Variants in TAF4 observed in about 807,000 individuals in gnomAD.
The protein encoded by TAF4 is TATA-box binding protein associated factor 4, also known as transcription initiation factor TFIID subunit 4.
TAF4 carries 9 observed loss-of-function variants against 90.3 expected under a neutral mutation model. The ratio of observed to expected loss-of-function variants is 0.10; its 90% CI spans 0.06 to 0.17. TAF4 has a LOEUF of 0.17. Ranked by LOEUF, TAF4 falls within the 10% of genes least tolerant of loss-of-function variation. The pLI is 1.00. For synonymous variants in TAF4, 818 were observed against 638.9 expected (o/e 1.28, Z -4.23); for missense variants, 1,351 against 1,370.7 (o/e 0.99, Z 0.23).
intron 1 of TAF4, among the ~76,000 whole-genome samples, chr20:62,028,787 A>G (rs948878569): frequency 2.6e-5 from 4 of 152,210 alleles, no homozygotes; most frequent in Non-Finnish European, 5.9e-5. Flanking sequence ...CACATTCAGG[A>G]GTGCCATAAA....
chr20:62,059,438 C>T (rs2056077769), intron 1 of TAF4, among the ~76,000 whole-genome samples: 1 of 152,214 alleles, frequency 6.6e-6, no homozygotes, highest in African/African-American at 2.4e-5. Flanking sequence ...CATAACTTGA[C>T]AGCACTTATT....
At chr20:62,017,713 C>T (rs1332155521) in intron 1 of TAF4, among the ~76,000 whole-genome samples, 2 of 151,760 alleles carry the variant, frequency 1.3e-5, no homozygotes, top group African/African-American at 4.8e-5. Context: ...TGGTGCATGC[C>T]TGTAATCCAG....
intron 1 of TAF4, among the ~76,000 whole-genome samples, chr20:62,015,044 C>A (rs1304238470): frequency 6.6e-6 from 1 of 152,240 alleles, no homozygotes; most frequent in African/African-American, 2.4e-5. Context: ...CACAGACATG[C>A]CAGTCTCCTT....
At chr20:62,008,882 A>T in intron 5 of TAF4, 170 bp downstream of exon 5, 1 of 828,120 alleles carries the variant, frequency 1.2e-6, no homozygotes, top group Non-Finnish European at 1.8e-6. Context: ...CTCCTTAGCT[A>T]GGCCACACAC....
At chr20:62,057,565 G>T (rs2145521356) in intron 1 of TAF4, among the ~76,000 whole-genome samples, 1 of 152,336 alleles carries the variant, frequency 6.6e-6, no homozygotes, top group East Asian at 1.9e-4. Context: ...CCTCACATCG[G>T]CGCTTTCCAG....
chr20:61,977,647 G>A (rs534726037), intron 14 of TAF4, among the ~76,000 whole-genome samples: 2 of 152,282 alleles, frequency 1.3e-5, no homozygotes, highest in South Asian at 2.1e-4. Context: ...ACCTGTCTCC[G>A]TTCAGACGCC....
intron 9 of TAF4, 60 bp from the exon 10 acceptor site, chr20:62,000,781 G>A: frequency 6.3e-7 from 1 of 1,588,474 alleles, no homozygotes; most frequent in Non-Finnish European, 8.6e-7. Flanking sequence ...GAGGTGGGCT[G>A]GGGTGGTAAG....
chr20:62,038,573 A>G (rs577750345), intron 1 of TAF4, among the ~76,000 whole-genome samples: 96 of 152,362 alleles, frequency 6.3e-4, no homozygotes, highest in South Asian at 1.4e-3. Context: ...TGAATACTTA[A>G]GAATAAATTT....
At chr20:62,044,471 T>C (rs151011313) in intron 1 of TAF4, among the ~76,000 whole-genome samples, 386 of 152,324 alleles carry the variant, frequency 2.5e-3, no homozygotes, top group African/African-American at 7.6e-3. Flanking sequence ...CTAAATTGTG[T>C]ATCAAATTGG....
Position 62,032,366 on chromosome 20 carries a change from G to A in TAF4, c.1361-17659C>T, listed in dbSNP as rs113231109. Among the ~76,000 whole-genome samples, 1,095 of 152,354 alleles carry A rather than the reference G, an allele frequency of 7.2e-3. 15 individuals carry two copies. Among genetic ancestry groups the A allele is most frequent in the African/African-American group, 0.025 (1,044 of 41,580 alleles). ...CTAAAGTCTACACGTTTGTCCAGATGGCAACAAGCATCGCTTCTCTTCCAC... is the reference window on the plus strand; with the variant it reads ...CTAAAGTCTACACGTTTGTCCAGATAGCAACAAGCATCGCTTCTCTTCCAC... On this transcript the variant is annotated intron_variant, in intron 1 of 14. Transcript: ENST00000252996.
chr20:62,063,919 C>A (rs932825418), intron 1 of TAF4, among the ~76,000 whole-genome samples: 1 of 152,260 alleles, frequency 6.6e-6, no homozygotes, highest in African/African-American at 2.4e-5. Context: ...GTCGCGCCCC[C>A]GTCCTCGCCT....
intron 1 of TAF4, among the ~76,000 whole-genome samples, chr20:62,024,153 A>G (rs1462138126): frequency 6.6e-6 from 1 of 152,200 alleles, no homozygotes; most frequent in Non-Finnish European, 1.5e-5. Flanking sequence ...TGCAGAGTCC[A>G]CAAGCAGGCC....
intron 14 of TAF4, among the ~76,000 whole-genome samples, chr20:61,988,798 C>T (rs1359312996): frequency 6.6e-6 from 1 of 152,158 alleles, no homozygotes; most frequent in East Asian, 1.9e-4. Context: ...CCAGGTCCGG[C>T]GTTCTCGATA....
chr20:62,051,087 A>C (rs1020761154), intron 1 of TAF4, among the ~76,000 whole-genome samples: 2 of 152,196 alleles, frequency 1.3e-5, no homozygotes, highest in Admixed American at 6.5e-5. Flanking sequence ...CACCATGGAA[A>C]TCACGTCCAA....
intron 1 of TAF4, among the ~76,000 whole-genome samples, chr20:62,055,705 C>T (rs2056059614): frequency 6.6e-6 from 1 of 152,212 alleles, no homozygotes; most frequent in Non-Finnish European, 1.5e-5. Context: ...TGGCTGACCC[C>T]TTTCTCATCC....
chr20:62,017,277 A>T (rs1052806473), intron 1 of TAF4, among the ~76,000 whole-genome samples: 1 of 152,172 alleles, frequency 6.6e-6, no homozygotes, highest in Non-Finnish European at 1.5e-5. Flanking sequence ...CTCCACACCC[A>T]ATGTCAAACC....
intron 1 of TAF4, among the ~76,000 whole-genome samples, chr20:62,035,011 G>A (rs973503740): frequency 5.3e-5 from 8 of 152,006 alleles, no homozygotes; most frequent in African/African-American, 1.7e-4. Context: ...TAGTAGAGAC[G>A]GGGTTTCACC....
chr20:62,040,349 C>T (rs2055956767), intron 1 of TAF4, among the ~76,000 whole-genome samples: 1 of 152,236 alleles, frequency 6.6e-6, no homozygotes, highest in African/African-American at 2.4e-5. Context: ...AGAAGTATCC[C>T]GCCAAGGGAA....
intron 1 of TAF4, among the ~76,000 whole-genome samples, chr20:62,028,126 C>T (rs1415613999): frequency 6.6e-6 from 1 of 152,164 alleles, no homozygotes; most frequent in African/African-American, 2.4e-5. Flanking sequence ...GGCCTGGACA[C>T]CCAGGAGCCG....
Sources: allele counts gnomAD v4.1 joint callset (sites outside exome capture counted in the v4.1 genomes callset), GRCh38; gene constraint gnomAD v4.1.1; transcripts MANE v1.5; gene names NCBI Gene and HGNC (gene_info 2026-07-23, HGNC 2026-07-21).